The following PPP2R2B variants were observed in gnomAD, a reference collection of about 807,000 sequenced individuals.
PPP2R2B encodes protein phosphatase 2 regulatory subunit Bbeta.
A neutral mutation model predicts 46.0 loss-of-function variants in PPP2R2B; 5 were observed. That is an observed-to-expected ratio of 0.11 (90% CI 0.06 to 0.23). The LOEUF is 0.23. PPP2R2B is among the 10% of genes least tolerant of loss of function. The pLI, the probability that PPP2R2B is intolerant of heterozygous loss-of-function variation, is 1.00. For missense variants in PPP2R2B, 367 were observed against 575.0 expected, an observed-to-expected ratio of 0.64 and a Z score of 3.70; for synonymous variants, 215 against 206.7, an observed-to-expected ratio of 1.04 and a Z score of -0.34.
intron 6 of PPP2R2B, among the ~76,000 whole-genome samples, chr5:146,644,997 G>A (rs968273477): frequency 6.6e-6 from 1 of 152,154 alleles, no homozygotes; most frequent in African/African-American, 2.4e-5. Flanking sequence ...CTTTTCTGCA[G>A]GGCTGAGTAT....
rs185983998 is a variant in PPP2R2B at position 147,033,115 on chromosome 5, C to T, written c.79+22550G>A. ...GTTAATAAAATAAATATTAAATACT[C>T]AAATTAAGAATGCAATCAGTGGACC... is the stretch of plus-strand genomic sequence containing the variant. On this transcript the variant is annotated intron_variant, in intron 1 of 8. Transcript: ENST00000336640. Among the ~76,000 whole-genome samples, 186 of 152,220 alleles carry T rather than the reference C, an allele frequency of 1.2e-3. 3 individuals carry two copies. The highest frequency in any genetic ancestry group is 4.4e-3 in the African/African-American group (183 of 41,524).
chr5:146,861,257 C>T (rs974590265), intron 2 of PPP2R2B, among the ~76,000 whole-genome samples: 1 of 151,948 alleles, frequency 6.6e-6, no homozygotes, highest in South Asian at 2.1e-4. Context: ...AGGGTTTCAC[C>T]GTGTTAGCCA....
upstream of PPP2R2B, among the ~76,000 whole-genome samples, chr5:146,883,605 C>T (rs967618977): frequency 1.3e-5 from 2 of 152,188 alleles, no homozygotes; most frequent in Non-Finnish European, 2.9e-5. Context: ...TCACATTTCT[C>T]TATTGTGGAA....
chr5:146,840,695 A>G (rs1759583324), intron 2 of PPP2R2B, among the ~76,000 whole-genome samples: 3 of 152,366 alleles, frequency 2.0e-5, no homozygotes, highest in South Asian at 4.1e-4. Flanking sequence ...TTTTTATACA[A>G]AACAAAAATA....
intron 1 of PPP2R2B, among the ~76,000 whole-genome samples, chr5:146,905,299 A>G (rs1762961034): frequency 6.6e-6 from 1 of 152,242 alleles, no homozygotes; most frequent in Non-Finnish European, 1.5e-5. Context: ...AAATAAAAAC[A>G]TATCTCAATC....
chr5:146,706,051 G>T lies in PPP2R2B; in HGVS notation c.71-4909C>A, dbSNP rs552695487. Among the ~76,000 whole-genome samples, 7 of 152,216 alleles carry T rather than the reference G, an allele frequency of 4.6e-5. No individual in the cohort carries two copies. The East Asian group carries it at 7.7e-4, about 17-fold the overall frequency. ...CTGGAGGCATGGGCAAGGGGCGGGG[G>T]TCCCCAGGCAGTGAACTCCCCCGCG... On this transcript the variant is annotated intron_variant, in intron 2 of 9. Transcript: ENST00000394411.
At chr5:146,706,263 T>C (rs1446173546) in intron 2 of PPP2R2B, 2 of 484,972 alleles carry the variant, frequency 4.1e-6, no homozygotes, top group Non-Finnish European at 7.7e-6. Context: ...TTGATCTTCT[T>C]CACAACCATG....
chr5:146,792,242 G>A (rs1756246878), intron 2 of PPP2R2B, among the ~76,000 whole-genome samples: 1 of 152,152 alleles, frequency 6.6e-6, no homozygotes, highest in Admixed American at 6.6e-5. Flanking sequence ...CAAACTTTTA[G>A]TAGGATTTTT....
intron 2 of PPP2R2B, among the ~76,000 whole-genome samples, chr5:146,797,464 T>C (rs1380649576): frequency 6.6e-6 from 1 of 152,230 alleles, no homozygotes; most frequent in Non-Finnish European, 1.5e-5. Flanking sequence ...TGCTTTCTTT[T>C]ATTTTTAGCA....
At chr5:146,697,610 C>T (rs1231554036) in intron 4 of PPP2R2B, among the ~76,000 whole-genome samples, 1 of 152,128 alleles carries the variant, frequency 6.6e-6, no homozygotes, top group Non-Finnish European at 1.5e-5. Flanking sequence ...AACTTCTATT[C>T]AATATGCCAA....
rs1006992248 is a variant in PPP2R2B, at chr5:146,863,933, G to A, written c.70+14069C>T. 5.3e-5 allele frequency among the ~76,000 whole-genome samples: 8 copies of A among 152,130 alleles called. No homozygotes were observed. The East Asian group carries it at 1.5e-3, about 29-fold the overall frequency. The stretch of plus-strand genomic sequence containing the variant: ...ATACTTTGAAAGTGGACTAAAAATC[G>A]CTCACTGAAAATATGGACAGAACAA... On this transcript the variant is annotated intron_variant, in intron 2 of 9. Transcript: ENST00000394411.
intron 5 of PPP2R2B, among the ~76,000 whole-genome samples, chr5:146,670,716 G>A (rs11958907): frequency 6.6e-6 from 1 of 151,644 alleles, no homozygotes. Context: ...GGCTGGTCTC[G>A]AACTCCTGAC....
intron 1 of PPP2R2B, among the ~76,000 whole-genome samples, chr5:146,932,261 G>C (rs1032117499): frequency 1.3e-5 from 2 of 152,068 alleles, no homozygotes; most frequent in African/African-American, 2.4e-5. Context: ...TTTCTATCCT[G>C]GTTTGAAAGG....
intron 1 of PPP2R2B, among the ~76,000 whole-genome samples, chr5:146,968,749 C>A (rs1261852533): frequency 6.6e-6 from 1 of 152,182 alleles, no homozygotes; most frequent in East Asian, 1.9e-4. Context: ...TGCCAATCTT[C>A]ATGTGCAAAT....
intron 5 of PPP2R2B, among the ~76,000 whole-genome samples, chr5:146,662,147 T>G (rs1776713092): frequency 6.6e-6 from 1 of 152,194 alleles, no homozygotes. Context: ...TGTCATTTAT[T>G]ACCGTGGAAT....
At chr5:146,893,174 T>A (rs2151429661) in intron 1 of PPP2R2B, among the ~76,000 whole-genome samples, 1 of 152,332 alleles carries the variant, frequency 6.6e-6, no homozygotes, top group Non-Finnish European at 1.5e-5. Context: ...TGTAAAGACA[T>A]CTCTGACATT....
At chr5:147,007,279 A>C (rs1051140459) in intron 1 of PPP2R2B, among the ~76,000 whole-genome samples, 1 of 152,124 alleles carries the variant, frequency 6.6e-6, no homozygotes, top group Non-Finnish European at 1.5e-5. Context: ...TGTCCTGTTT[A>C]GAGGGGGGAT....
intron 2 of PPP2R2B, among the ~76,000 whole-genome samples, chr5:146,764,855 C>G (rs141225294): frequency 3.3e-5 from 5 of 152,238 alleles, no homozygotes; most frequent in African/African-American, 1.2e-4. Flanking sequence ...CGCACACGCA[C>G]ACGTACTCTG....
chr5:146,684,080 A>G (rs1384282954), intron 5 of PPP2R2B, among the ~76,000 whole-genome samples: 1 of 152,230 alleles, frequency 6.6e-6, no homozygotes, highest in Non-Finnish European at 1.5e-5. Context: ...GCCTGTGAAT[A>G]TGGAATAGGC....
Sources: gnomAD v4.1 joint callset for allele counts (sites outside exome capture counted in the v4.1 genomes callset) on GRCh38, gnomAD v4.1.1 for gene constraint, MANE v1.5 for transcripts, NCBI Gene and HGNC (gene_info 2026-07-23, HGNC 2026-07-21) for gene names.